Variants in DAB1 observed in about 807,000 individuals in gnomAD.
DAB1 encodes disabled homolog 1.
In DAB1, 15 loss-of-function variants were observed where a neutral mutation model predicts 64.6. That is an observed-to-expected ratio of 0.23 (90% CI 0.16 to 0.36). DAB1 has a LOEUF of 0.36. Among genes scored for constraint, DAB1 ranks in the 10% least tolerant of loss-of-function variants. The probability of loss-of-function intolerance (pLI) is 1.00; values close to 1 mark genes in which losing one functional copy is unlikely to be tolerated. For synonymous variants in DAB1, 235 were observed against 251.9 expected, an observed-to-expected ratio of 0.93 and a Z score of 0.64; for missense variants, 596 against 706.7, an observed-to-expected ratio of 0.84 and a Z score of 1.78.
intron 5 of DAB1, among the ~76,000 whole-genome samples, chr1:57,977,235 T>C (rs947870034): frequency 6.6e-6 from 1 of 152,174 alleles, no homozygotes; most frequent in Non-Finnish European, 1.5e-5. Context: ...GAGAGATCTA[T>C]AGAGAATTCC....
intron 5 of DAB1, among the ~76,000 whole-genome samples, chr1:58,070,880 G>A (rs903502076): frequency 3.3e-5 from 5 of 152,206 alleles, no homozygotes; most frequent in Non-Finnish European, 7.3e-5. Flanking sequence ...CAAGGGCACA[G>A]ATGTTGAATT....
chr1:57,264,681 A>G (rs1670451598), intron 2 of DAB1, among the ~76,000 whole-genome samples: 1 of 145,614 alleles, frequency 6.9e-6, no homozygotes, highest in African/African-American at 2.8e-5. Context: ...CATTGAGAGC[A>G]GGTCTCGTGA....
chr1:58,466,553 G>A (rs1249852328), intron 3 of DAB1, among the ~76,000 whole-genome samples: 1 of 152,090 alleles, frequency 6.6e-6, no homozygotes, highest in Non-Finnish European at 1.5e-5. Flanking sequence ...GGATACTCGG[G>A]AAGAATGCAC....
At chr1:57,423,359 C>A (rs1357235417) in intron 1 of DAB1, among the ~76,000 whole-genome samples, 2 of 152,036 alleles carry the variant, frequency 1.3e-5, no homozygotes, top group African/African-American at 2.4e-5. Flanking sequence ...GGATCCAGTT[C>A]TCACGGTGCC....
intron 2 of DAB1, among the ~76,000 whole-genome samples, chr1:57,238,906 A>C (rs1367622640): frequency 6.8e-6 from 1 of 147,444 alleles, no homozygotes; most frequent in Admixed American, 6.9e-5. Flanking sequence ...CCTAACTTGA[A>C]ATGGTTTTCT....
chr1:57,393,271 T>C (rs1682534890), intron 1 of DAB1, among the ~76,000 whole-genome samples: 1 of 152,174 alleles, frequency 6.6e-6, no homozygotes, highest in Non-Finnish European at 1.5e-5. Flanking sequence ...CTGAGATATA[T>C]TGCAAAGTCA....
At chr1:58,013,446 GC>G (rs1385310589) in intron 5 of DAB1, among the ~76,000 whole-genome samples, 1 of 151,950 alleles carries the variant, frequency 6.6e-6, no homozygotes, top group African/African-American at 2.4e-5. Context: ...AGCAGGGGGC[GC>G]CTGAGCCACA....
intron 2 of DAB1, among the ~76,000 whole-genome samples, chr1:58,511,124 C>T (rs1447576918): frequency 2.0e-5 from 3 of 152,026 alleles, no homozygotes; most frequent in African/African-American, 7.2e-5. Context: ...ACAGAAAAAA[C>T]GATCCTAAAA....
chr1:57,068,845 T>G (rs1038478659), intron 8 of DAB1, among the ~76,000 whole-genome samples: 2 of 152,188 alleles, frequency 1.3e-5, no homozygotes, highest in Non-Finnish European at 2.9e-5. Context: ...TTATAACATC[T>G]TCATGAGAAT....
At chr1:58,218,169 C>T (rs188242942) in intron 4 of DAB1, among the ~76,000 whole-genome samples, 58 of 151,982 alleles carry the variant, frequency 3.8e-4, no homozygotes, top group Admixed American at 6.5e-4. Flanking sequence ...GAAAGGCTGA[C>T]GTAAGAAAGA....
At chr1:57,519,806 G>A (rs553284984) in intron 7 of DAB1, among the ~76,000 whole-genome samples, 42 of 152,138 alleles carry the variant, frequency 2.8e-4, no homozygotes, top group East Asian at 1.9e-4. Context: ...ATAATCCCCC[G>A]GCACTTCTAT....
chr1:57,209,966 A>G (rs1665872866), intron 2 of DAB1, among the ~76,000 whole-genome samples: 1 of 152,218 alleles, frequency 6.6e-6, no homozygotes, highest in Non-Finnish European at 1.5e-5. Flanking sequence ...ACCTAAATTG[A>G]AATCTCATTT....
chr1:57,481,164 T>C (rs2101239763), intron 7 of DAB1, among the ~76,000 whole-genome samples: 1 of 152,220 alleles, frequency 6.6e-6, no homozygotes, highest in East Asian at 1.9e-4. Context: ...CCACACTACA[T>C]CCCTTACCAA....
intron 5 of DAB1, among the ~76,000 whole-genome samples, chr1:58,045,913 AG>A (rs1199001053): frequency 2.7e-5 from 4 of 149,304 alleles, no homozygotes; most frequent in Non-Finnish European, 5.9e-5. Context: ...CCTGGTAATT[AG>A]GGATTTGGGC....
intron 6 of DAB1, among the ~76,000 whole-genome samples, chr1:57,787,508 A>C (rs955241994): frequency 6.6e-6 from 1 of 152,148 alleles, no homozygotes; most frequent in Non-Finnish European, 1.5e-5. Context: ...ATATACAAAA[A>C]TTAATTAAAA....
chr1:57,161,964 T>C (rs1332056217), intron 2 of DAB1, among the ~76,000 whole-genome samples: 2 of 152,244 alleles, frequency 1.3e-5, no homozygotes, highest in African/African-American at 4.8e-5. Flanking sequence ...TCTTATTGGC[T>C]GTGCAATAGC....
At chr1:57,547,032 A>C (rs1026393880) in intron 7 of DAB1, among the ~76,000 whole-genome samples, 70 of 152,238 alleles carry the variant, frequency 4.6e-4, no homozygotes, top group Non-Finnish European at 8.7e-4. Flanking sequence ...AGGAACTGAG[A>C]TGGGTATCAG....
intron 1 of DAB1, among the ~76,000 whole-genome samples, chr1:57,879,581 T>C (rs1263294031): frequency 1.3e-5 from 2 of 152,206 alleles, no homozygotes; most frequent in Non-Finnish European, 2.9e-5. Flanking sequence ...TTGGCCAGCA[T>C]GCCCTTTCAC....
At chr1:57,866,873 C>T (rs1654324537) in intron 1 of DAB1, 1 of 152,146 alleles carries the variant, frequency 6.6e-6, no homozygotes, top group Non-Finnish European at 1.5e-5. Context: ...TGAATGTCCC[C>T]TTGAAAGAAG....
Sources: gnomAD v4.1 joint callset for allele counts (sites outside exome capture counted in the v4.1 genomes callset) on GRCh38, gnomAD v4.1.1 for gene constraint, MANE v1.5 for transcripts, NCBI Gene and HGNC (gene_info 2026-07-23, HGNC 2026-07-21) for gene names.